Variants in CRLF2 observed in about 807,000 individuals in gnomAD.
The protein encoded by CRLF2 is cytokine receptor like factor 2.
Under a neutral mutation model 38.7 loss-of-function variants are expected in CRLF2, and 41 were observed. The observed-to-expected ratio is 1.06, with a 90% CI of 0.83 to 1.37. The LOEUF is 1.37. Among genes scored for constraint, CRLF2 ranks in the 40% most tolerant of loss-of-function variants. CRLF2 has a pLI of 0.00. For synonymous variants in CRLF2, 140 were observed against 128.8 expected, an observed-to-expected ratio of 1.09 and a Z score of -0.59; for missense variants, 377 against 322.2, an observed-to-expected ratio of 1.17 and a Z score of -1.30.
chrX:1,193,781 C>CAAAAAAAAAA (rs1176813644), intron 6 of CRLF2, among the ~76,000 whole-genome samples: 2 of 58,988 alleles, frequency 3.4e-5, no homozygotes, highest in African/African-American at 8.5e-5. Flanking sequence ...GACTCCATCT[C>CAAAAAAAAAA]AAAAAAAAAA....
intron 4 of CRLF2, chrX:1,199,037 T>C (rs1371595497): frequency 2.3e-6 from 1 of 427,720 alleles, no homozygotes; most frequent in Non-Finnish European, 4.5e-6. Flanking sequence ...TAATCCCAGC[T>C]ACTTGGGAGG....
Position 1,197,591 on chromosome X carries a change from G to C in CRLF2, c.647-691C>G, listed in dbSNP as rs565455721. 2.6e-5 allele frequency among the ~76,000 whole-genome samples: 4 copies of C among 151,908 alleles called. No individual in the cohort carries two copies. The East Asian group carries it at 7.8e-4, about 29-fold the overall frequency. On this transcript the variant is annotated intron_variant, in intron 5 of 7. Coordinates refer to ENST00000400841, the MANE Select transcript of CRLF2 (RefSeq NM_022148.4). ...AGCACTTTGGGAGGCCGAGGCGGGC[G>C]GATCACAAGGTCAGGAGTTCGAGAC...
intron 3 of CRLF2, 56 bp downstream of exon 3, chrX:1,206,377 G>A (rs2086691039): frequency 1.3e-6 from 2 of 1,497,966 alleles, no homozygotes; most frequent in African/African-American, 2.7e-5. Flanking sequence ...AGTCCTTGTG[G>A]TAATAAGCTG....
rs2086414837 is a variant in CRLF2, at chrX:1,192,756, CTTTCTTTCT to C, written c.852+453_852+461del. On this transcript the variant is annotated intron_variant, in intron 7 of 7. Coordinates refer to ENST00000400841, the MANE Select transcript of CRLF2 (RefSeq NM_022148.4). ...TCTTTCTTTCTTTCTTTCTTTCTTT[CTTTCTTTCT>C]TTCCTTCCTTCCTCTCTCCCCCTTT... 1.2e-4 allele frequency among the ~76,000 whole-genome samples: 14 copies of C among 113,934 alleles called. 1 individual carries two copies. The highest frequency in any genetic ancestry group is 9.1e-5 in the Non-Finnish European group (5 of 54,822). The allele number at this position is 113,934 out of a possible 152,430, so 74.7% of individuals were successfully genotyped here. A position where few individuals can be genotyped will look rare whatever the true frequency, so the allele number is the denominator to read the frequency against.
chrX:1,209,938 C>A (rs1292056910), intron 1 of CRLF2, among the ~76,000 whole-genome samples: 52 of 151,336 alleles, frequency 3.4e-4, no homozygotes, highest in Non-Finnish European at 5.9e-5. Context: ...CCCGTCTCTA[C>A]TAAAAACACA....
chrX:1,195,786 T>TTA lies in CRLF2; in HGVS notation c.767+992_767+993dup, dbSNP rs1220089968. ...ATATTATATATATATTTATATAATT[T>TTA]TATATATATTTATATATTATATATT... is the stretch of plus-strand genomic sequence containing the variant. On this transcript the variant is annotated intron_variant, in intron 6 of 7. Transcript: ENST00000400841. Among the ~76,000 whole-genome samples the TTA allele has an allele frequency of 5.5e-4, 65 of 117,378 alleles. No homozygotes were observed. The East Asian group carries it at 0.013, about 23-fold the overall frequency. The allele number at this position is 117,378 out of a possible 152,430, so 77.0% of individuals were successfully genotyped here.
chrX:1,203,755 A>G (rs2147844136), intron 3 of CRLF2, among the ~76,000 whole-genome samples: 1 of 152,276 alleles, frequency 6.6e-6, no homozygotes, highest in South Asian at 2.1e-4. Context: ...CATGGGCTTC[A>G]AAACTGGGAG....
intron 6 of CRLF2, 93 bp downstream of exon 6, chrX:1,196,687 A>G: frequency 6.8e-7 from 1 of 1,480,964 alleles, no homozygotes; most frequent in Non-Finnish European, 9.1e-7. Flanking sequence ...GGCCCAGGGA[A>G]ATGACTCTAT....
At chrX:1,192,272 C>T (rs2086398583) in intron 7 of CRLF2, among the ~76,000 whole-genome samples, 1 of 151,052 alleles carries the variant, frequency 6.6e-6, no homozygotes. Context: ...GGACATGCTT[C>T]TTTATACCCT....
At chrX:1,212,078 A>G (rs748776894) in intron 1 of CRLF2, among the ~76,000 whole-genome samples, 1 of 151,764 alleles carries the variant, frequency 6.6e-6, no homozygotes, top group African/African-American at 2.4e-5. Flanking sequence ...GGGTGAATGT[A>G]TGAGTGGATG....
At chrX:1,199,932 A>ATTGTGTATATATGT (rs1419868482) in intron 4 of CRLF2, among the ~76,000 whole-genome samples, 1 of 150,602 alleles carries the variant, frequency 6.6e-6, no homozygotes, top group Non-Finnish European at 1.5e-5. Context: ...CTGTGTATGT[A>ATTGTGTATATATGT]AGGTGTGTAT....
intron 1 of CRLF2, among the ~76,000 whole-genome samples, chrX:1,212,345 T>C (rs751473439): frequency 2.7e-5 from 4 of 149,254 alleles, no homozygotes; most frequent in Non-Finnish European, 5.9e-5. Context: ...TACTTAATAT[T>C]CATGTATTTA....
intron 5 of CRLF2, among the ~76,000 whole-genome samples, 169 bp from the exon 6 acceptor site, chrX:1,197,069 A>G (rs1459155995): frequency 6.9e-6 from 1 of 144,496 alleles, no homozygotes; most frequent in Non-Finnish European, 1.5e-5. Context: ...TTTTTTGTAA[A>G]TATTCGTGTC....
chrX:1,197,174 C>A (rs757701864), intron 5 of CRLF2, among the ~76,000 whole-genome samples: 11 of 149,046 alleles, frequency 7.4e-5, no homozygotes, highest in African/African-American at 2.7e-4. Context: ...CTCACTGCAA[C>A]CTCCGTCTCC....
intron 7 of CRLF2, among the ~76,000 whole-genome samples, chrX:1,191,778 G>A (rs1325514046): frequency 8.6e-5 from 13 of 150,678 alleles, no homozygotes; most frequent in East Asian, 2.0e-4. Context: ...TGATCCACCC[G>A]ACTCGACCTC....
intron 1 of CRLF2, among the ~76,000 whole-genome samples, chrX:1,212,325 G>A (rs1416351825): frequency 6.7e-6 from 1 of 148,518 alleles, no homozygotes; most frequent in East Asian, 2.0e-4. Flanking sequence ...TATTCCGGGA[G>A]CAATAAGTAT....
chrX:1,207,891 C>T (rs1569472552), intron 2 of CRLF2, among the ~76,000 whole-genome samples: 1 of 152,122 alleles, frequency 6.6e-6, no homozygotes, highest in African/African-American at 2.4e-5. Context: ...CTCAGATGAT[C>T]CACCCACCTC....
chrX:1,192,552 G>A (rs1353577968), intron 7 of CRLF2, among the ~76,000 whole-genome samples: 1 of 151,782 alleles, frequency 6.6e-6, no homozygotes, highest in Non-Finnish European at 1.5e-5. Flanking sequence ...GGAGGTGGAG[G>A]TTGCAGTGAG....
rs377375963 is a variant in CRLF2, at chrX:1,202,393, C to G, written c.483+9G>C. ...CACCATCGCCCTGAGTCGCGGCCGC[C>G]CGGCTCACCTGCCACTCGGTGTCGA... On this transcript the variant is annotated intron_variant, in intron 4 of 7. Coordinates refer to ENST00000400841, the MANE Select transcript of CRLF2 (RefSeq NM_022148.4). 1.9e-6 allele frequency: 3 copies of G among 1,613,350 alleles called. No individual in the cohort carries two copies. The African/African-American group carries it at 4.0e-5, about 22-fold the overall frequency.
Sources: gnomAD v4.1 joint callset for allele counts (sites outside exome capture counted in the v4.1 genomes callset) on GRCh38, gnomAD v4.1.1 for gene constraint, MANE v1.5 for transcripts, NCBI Gene and HGNC (gene_info 2026-07-23, HGNC 2026-07-21) for gene names.